Variants in TRIP6 observed in about 807,000 individuals in gnomAD.
The protein encoded by TRIP6 is thyroid receptor-interacting protein 6.
TRIP6 carries 33 observed loss-of-function variants against 51.9 expected under a neutral mutation model. That is an observed-to-expected ratio of 0.64 (90% CI 0.48 to 0.85). The LOEUF is 0.85. TRIP6 is among the 40% of genes least tolerant of loss of function. TRIP6 has a pLI of 0.00. For missense variants in TRIP6, 661 were observed against 652.1 expected (o/e 1.01, Z -0.15); for synonymous variants, 255 against 275.8 (o/e 0.92, Z 0.75).
chr7:100,869,412 C>G (rs1053351713), intron 4 of TRIP6, among the ~76,000 whole-genome samples: 7 of 149,894 alleles, frequency 4.7e-5, no homozygotes, highest in Admixed American at 4.6e-4. Flanking sequence ...GTGGGTGGAT[C>G]ACCTGAGGTC....
intron 7 of TRIP6, among the ~76,000 whole-genome samples, chr7:100,872,181 GTTTTTTTTTT>G (rs34239953): frequency 5.2e-5 from 5 of 95,586 alleles, no homozygotes; most frequent in Admixed American, 4.4e-4. Context: ...CGCCTGGCTA[GTTTTTTTTTT>G]TTTTTTTTTT....
intron 6 of TRIP6, 87 bp downstream of exon 6, chr7:100,870,830 A>C: frequency 6.7e-7 from 1 of 1,491,434 alleles, no homozygotes; most frequent in Non-Finnish European, 9.0e-7. Flanking sequence ...TCCAAGACCA[A>C]AGGAGGAACG....
At chr7:100,871,461 A>T in intron 6 of TRIP6, 82 bp from the exon 7 acceptor site, 2 of 1,467,404 alleles carry the variant, frequency 1.4e-6, no homozygotes, top group Non-Finnish European at 1.9e-6. Context: ...TGCAGAAATT[A>T]GATGGCTGGG....
In TRIP6 at chr7:100,867,719, GC is replaced by G. The variant is rs1367700337; in HGVS notation, c.109+114del. 5 of 1,524,192 alleles carry G rather than the reference GC, an allele frequency of 3.3e-6. No individual in the cohort carries two copies. Among genetic ancestry groups the G allele is most frequent in the Non-Finnish European group, 4.4e-6 (5 of 1,132,836 alleles). The allele number at this position is 1,524,192 out of a possible 1,614,324, so 94.4% of individuals were successfully genotyped here. ...CCTCCTGCCCCTTCCCCAAGCCGAG[GC>G]GGGGGGAACAGCCGCCTGCGCTCTC... On this transcript the variant is annotated intron_variant, in intron 1 of 8. Coordinates refer to ENST00000200457, the MANE Select transcript of TRIP6 (RefSeq NM_003302.3). This position sits in a 1 kb window ranked among gnomAD's most constrained non-coding sequence, Gnocchi z 5.4.
chr7:100,868,465 T>C, intron 3 of TRIP6, 30 bp from the exon 4 acceptor site: 1 of 1,612,966 alleles, frequency 6.2e-7, no homozygotes, highest in Non-Finnish European at 8.5e-7. Context: ...GGGTCCTTGC[T>C]TACGACTTCT....
At position 100,868,577 on chromosome 7, in the gene TRIP6, A is replaced by G. The variant is rs1488598762; in HGVS notation, c.446A>G (p.Tyr149Cys). 4 of 1,612,610 alleles carry G rather than the reference A, an allele frequency of 2.5e-6. No homozygotes were observed. Among genetic ancestry groups the G allele is most frequent in the Admixed American group, 1.7e-5 (1 of 59,988 alleles). ...NPASPLPASP[Y>C]GGPTPASYTT... The stretch of plus-strand genomic sequence containing the variant: ...GCCTCGCCGCTCCCAGCGTCTCCCT[A>G]TGGGGGCCCCACTCCAGCCTCTTAC... The change falls in exon 4 of 9, where the codon TAT becomes TGT. Residue 149 changes from tyrosine to cysteine, a missense_variant. Physicochemically the swap from Tyr to Cys is radical, Grantham distance 194 (BLOSUM62 -2). Transcript: ENST00000200457.
rs547864289 is a variant in TRIP6 at position 100,867,795 on chromosome 7, C to T, written c.110-66C>T. The T allele has an allele frequency of 2.6e-6, 4 of 1,519,572 alleles. No individual in the cohort carries two copies. The highest frequency in any genetic ancestry group is 4.6e-5 in the Admixed American group (2 of 43,912). The allele number at this position is 1,519,572 out of a possible 1,614,324, so 94.1% of individuals were successfully genotyped here. On this transcript the variant is annotated intron_variant, in intron 1 of 8. Coordinates refer to ENST00000200457, the MANE Select transcript of TRIP6 (RefSeq NM_003302.3). The surrounding 1 kb of genome is among the most constrained non-coding windows in gnomAD (Gnocchi z 5.4). The stretch of plus-strand genomic sequence containing the variant: ...AGGTAACGAGAGGCGGAGAGGGTGG[C>T]TCCTCAAATATACACCCCTCCTGTC...
In TRIP6 at chr7:100,867,876, C is replaced by G. The variant is rs756226772; in HGVS notation, c.125C>G (p.Pro42Arg). The change falls in exon 2 of 9, where the codon CCC becomes CGC. Residue 42 changes from proline (P) to arginine (R), a missense_variant. Pro to Arg is a moderately radical substitution (Grantham distance 103, BLOSUM62 -2). Transcript: ENST00000200457. This position sits in a 1 kb window ranked among gnomAD's most constrained non-coding sequence, Gnocchi z 5.4. Reference protein sequence around the residue: ...PAHGAALQPHPRVNFCPLPSE... With the variant: ...PAHGAALQPHRRVNFCPLPSE... ...CTCAACCCAGCACTCCAGCCCCACC[C>G]CAGGGTCAATTTTTGCCCCCTTCCA... 1.3e-6 allele frequency: 2 copies of G among 1,534,474 alleles called. No individual in the cohort carries two copies. Among genetic ancestry groups the G allele is most frequent in the Non-Finnish European group, 1.7e-6 (2 of 1,149,824 alleles).
intron 8 of TRIP6, 137 bp from the exon 9 acceptor site, chr7:100,873,033 TAG>T: frequency 7.8e-7 from 1 of 1,277,340 alleles, no homozygotes. Flanking sequence ...GTATTTTTAG[TAG>T]AGACAGGGTT....
intron 4 of TRIP6, among the ~76,000 whole-genome samples, chr7:100,869,632 C>CAA (rs757024618): frequency 0.021 from 778 of 37,018 alleles, 16 homozygotes; most frequent in African/African-American, 0.063. Flanking sequence ...AACTCTGTCT[C>CAA]AAAAAAAAAA....
At chr7:100,872,814 AC>A (rs1196294950) in intron 8 of TRIP6, 70 bp downstream of exon 8, 1 of 1,583,278 alleles carries the variant, frequency 6.3e-7, no homozygotes, top group African/African-American at 1.4e-5. Context: ...GAGGGGGAAC[AC>A]AGAGGTCTGG....
intron 4 of TRIP6, among the ~76,000 whole-genome samples, chr7:100,869,632 C>CAAAAAAAA: frequency 2.7e-5 from 1 of 37,642 alleles, no homozygotes; most frequent in Non-Finnish European, 5.4e-5. Flanking sequence ...AACTCTGTCT[C>CAAAAAAAA]AAAAAAAAAA....
rs116568713 is a variant in TRIP6, at chr7:100,868,559, C to T, written c.428C>T (p.Pro143Leu). ...TCCCTGAAGCCAAATCCAGCCTCGC[C>T]GCTCCCAGCGTCTCCCTATGGGGGC... ...TGSLKPNPAS[P>L]LPASPYGGPT... The change falls in exon 4 of 9, where the codon CCG becomes CTG. Residue 143 changes from proline to leucine, a missense_variant. Transcript: ENST00000200457. 1.8e-4 allele frequency: 287 copies of T among 1,613,094 alleles called. 2 individuals are homozygous for T. In the African/African-American group the frequency reaches 2.0e-3, roughly 11 times the overall value.
Position 100,867,531 on chromosome 7 carries a change from C to G in TRIP6, c.34C>G (p.Pro12Ala), listed in dbSNP as rs767184991. ...SGPTWLPPKQ[P>A]EPARAPQGRA... ...GCCCACCTGGCTGCCCCCGAAGCAGCCGGAGCCCGCCAGAGCCCCTCAGGG... is the reference window on the plus strand; with the variant it reads ...GCCCACCTGGCTGCCCCCGAAGCAGGCGGAGCCCGCCAGAGCCCCTCAGGG... Residue 12 changes from proline (P) to alanine (A), a missense_variant, in exon 1 of 9, where the codon CCG becomes GCG. Physicochemically the swap from Pro to Ala is conservative, Grantham distance 27. Transcript: ENST00000200457. This position sits in a 1 kb window ranked among gnomAD's most constrained non-coding sequence, Gnocchi z 5.4. The G allele has an allele frequency of 6.6e-7, 1 of 1,520,312 alleles. No homozygotes were observed. The highest frequency in any genetic ancestry group is 8.8e-7 in the Non-Finnish European group (1 of 1,136,400). 94.2% of individuals were successfully genotyped at this position (1,520,312 alleles called of 1,614,324 possible). A position where few individuals can be genotyped will look rare whatever the true frequency, so the allele number is the denominator to read the frequency against.
In TRIP6 at chr7:100,867,687, G is replaced by A; in HGVS notation, c.109+81G>A. ...CCTACCGCTCCAGCCTCCCGCCCTG[G>A]CTGCTTCCTCCTGCCCCTTCCCCAA... is the stretch of plus-strand genomic sequence containing the variant. On this transcript the variant is annotated intron_variant, in intron 1 of 8. Coordinates refer to ENST00000200457, the MANE Select transcript of TRIP6 (RefSeq NM_003302.3). The surrounding 1 kb of genome is among the most constrained non-coding windows in gnomAD (Gnocchi z 5.4). 6.4e-7 allele frequency: 1 copy of A among 1,564,538 alleles called. No individual in the cohort carries two copies. The highest frequency in any genetic ancestry group is 8.7e-7 in the Non-Finnish European group (1 of 1,151,302).
chr7:100,867,804 T>C lies in TRIP6; in HGVS notation c.110-57T>C. 6.6e-7 allele frequency: 1 copy of C among 1,525,480 alleles called. No homozygotes were observed. The highest frequency in any genetic ancestry group is 1.3e-5 in the South Asian group (1 of 75,718). 94.5% of individuals were successfully genotyped at this position (1,525,480 alleles called of 1,614,324 possible). A position where few individuals can be genotyped will look rare whatever the true frequency, so the allele number is the denominator to read the frequency against. Reference sequence around the variant, plus strand: ...GAGGCGGAGAGGGTGGCTCCTCAAATATACACCCCTCCTGTCCTCCGCCAC... The same window carrying C: ...GAGGCGGAGAGGGTGGCTCCTCAAACATACACCCCTCCTGTCCTCCGCCAC... On this transcript the variant is annotated intron_variant, in intron 1 of 8. Transcript: ENST00000200457. The surrounding 1 kb of genome is among the most constrained non-coding windows in gnomAD (Gnocchi z 5.4).
rs1289438819 is a variant in TRIP6, at chr7:100,868,169, T to A, written c.299T>A (p.Leu100Gln). 1 of 1,610,060 alleles carries A rather than the reference T, an allele frequency of 6.2e-7. No homozygotes were observed. Among genetic ancestry groups the A allele is most frequent in the South Asian group, 1.1e-5 (1 of 90,734 alleles). The change falls in exon 3 of 9, where the codon CTG becomes CAG. Residue 100 changes from leucine to glutamine, a missense_variant. Physicochemically the swap from Leu to Gln is moderately radical, Grantham distance 113. Coordinates refer to ENST00000200457, the MANE Select transcript of TRIP6 (RefSeq NM_003302.3). Reference sequence around the variant, plus strand: ...AGCCTGGACGCCGAGATAGACTTGCTGAGCAGCACGCTGGCCGAGCTGAAT... The same window carrying A: ...AGCCTGGACGCCGAGATAGACTTGCAGAGCAGCACGCTGGCCGAGCTGAAT... ...PGSLDAEIDL[L>Q]SSTLAELNGG...
At chr7:100,868,942 T>C (rs1584718064) in intron 4 of TRIP6, 76 bp downstream of exon 4, 1 of 1,413,128 alleles carries the variant, frequency 7.1e-7, no homozygotes, top group Non-Finnish European at 9.2e-7. Flanking sequence ...TGGTGGTGTT[T>C]TAGGGGGCTT....
chr7:100,867,456 C>G lies in TRIP6; in HGVS notation c.-42C>G, dbSNP rs73714206. The G allele has an allele frequency of 7.3e-7, 1 of 1,362,568 alleles. No individual in the cohort carries two copies. Among genetic ancestry groups the G allele is most frequent in the Non-Finnish European group, 9.7e-7 (1 of 1,035,544 alleles). The allele number at this position is 1,362,568 out of a possible 1,614,324, so 84.4% of individuals were successfully genotyped here. On this transcript the variant is annotated 5_prime_UTR_variant, in exon 1 of 9. Coordinates refer to ENST00000200457, the MANE Select transcript of TRIP6 (RefSeq NM_003302.3). The surrounding 1 kb of genome is among the most constrained non-coding windows in gnomAD (Gnocchi z 5.4). ...GAAGAGGGGGTGAAGGCCAGAGGCTCGGGGCTTCAAGACCGCTGTCTGGAG... is the reference window on the plus strand; with the variant it reads ...GAAGAGGGGGTGAAGGCCAGAGGCTGGGGGCTTCAAGACCGCTGTCTGGAG...
Sources: gnomAD v4.1 joint callset for allele counts (sites outside exome capture counted in the v4.1 genomes callset) on GRCh38, gnomAD v4.1.1 for gene constraint, Gnocchi (gnomAD v3.1) non-coding constraint, MANE v1.5 for transcripts, NCBI Gene and HGNC (gene_info 2026-07-23, HGNC 2026-07-21) for gene names.